DIS3L2: variants seen among roughly 807,000 people sequenced by gnomAD.
DIS3L2 encodes DIS3-like exonuclease 2.
DIS3L2 carries 34 observed loss-of-function variants against 97.5 expected under a neutral mutation model. The ratio of observed to expected loss-of-function variants is 0.35; its 90% CI spans 0.27 to 0.46. The LOEUF (loss-of-function observed/expected upper bound fraction) is 0.46. Among genes scored for constraint, DIS3L2 ranks in the 20% least tolerant of loss-of-function variants. The probability of loss-of-function intolerance (pLI) is 1.00; values close to 1 mark genes in which losing one functional copy is unlikely to be tolerated. For missense variants in DIS3L2, 1,038 were observed against 1,146.0 expected (o/e 0.91, Z 1.36); for synonymous variants, 435 against 445.2 (o/e 0.98, Z 0.29).
intron 10 of DIS3L2, among the ~76,000 whole-genome samples, chr2:232,215,116 A>G (rs1692296222): frequency 1.3e-5 from 2 of 152,240 alleles, no homozygotes; most frequent in Admixed American, 1.3e-4. Flanking sequence ...AATGAGAAGA[A>G]ATAAACATAT....
intron 14 of DIS3L2, 32 bp downstream of exon 14, chr2:232,300,151 C>T: frequency 1.2e-6 from 2 of 1,601,604 alleles, no homozygotes; most frequent in African/African-American, 2.7e-5. Flanking sequence ...AGTGTCACTT[C>T]ACATGTGTGC....
chr2:232,089,428 C>T (rs1287336967), intron 6 of DIS3L2, among the ~76,000 whole-genome samples: 2 of 152,132 alleles, frequency 1.3e-5, no homozygotes, highest in African/African-American at 4.8e-5. Flanking sequence ...GATTTTTCTA[C>T]TTTCTTTTCT....
intron 6 of DIS3L2, among the ~76,000 whole-genome samples, chr2:232,128,451 ATTTTTTT>A (rs10682281): frequency 3.2e-4 from 23 of 71,672 alleles, no homozygotes; most frequent in South Asian, 7.4e-4. Context: ...AACTTTGCTA[ATTTTTTT>A]TTTTTTTTTT....
chr2:232,270,158 A>ATTTCCATAACTAGGGACCG (rs1471056277), intron 13 of DIS3L2, among the ~76,000 whole-genome samples: 2 of 152,110 alleles, frequency 1.3e-5, no homozygotes, highest in African/African-American at 4.8e-5. Flanking sequence ...AGAGATGATG[A>ATTTCCATAACTAGGGACCG]TTTCCATAAC....
chr2:232,275,109 C>T (rs1272483152), intron 13 of DIS3L2, among the ~76,000 whole-genome samples: 3 of 152,098 alleles, frequency 2.0e-5, no homozygotes, highest in Non-Finnish European at 4.4e-5. Flanking sequence ...ATTTGATCCC[C>T]GCAACCCTAC....
chr2:232,220,994 C>T (rs1465546637), intron 10 of DIS3L2, among the ~76,000 whole-genome samples: 4 of 143,422 alleles, frequency 2.8e-5, no homozygotes, highest in African/African-American at 7.8e-5. Context: ...CCCAGCTACT[C>T]GGGAGGCTGA....
At chr2:232,079,058 A>C (rs1294033614) in intron 5 of DIS3L2, among the ~76,000 whole-genome samples, 1 of 152,224 alleles carries the variant, frequency 6.6e-6, no homozygotes, top group Non-Finnish European at 1.5e-5. Flanking sequence ...AGGCCTAGCC[A>C]TGGGCACTTC....
At chr2:231,982,038 G>GA (rs34177735) in intron 1 of DIS3L2, among the ~76,000 whole-genome samples, 116,536 of 145,808 alleles carry the variant, frequency 0.8, 46,935 homozygotes, top group African/African-American at 0.93. Flanking sequence ...CTCTCAAAAA[G>GA]AAAAAAAAAA....
chr2:232,243,193 T>C (rs1157899181), intron 11 of DIS3L2, among the ~76,000 whole-genome samples: 3 of 152,024 alleles, frequency 2.0e-5, no homozygotes, highest in Non-Finnish European at 4.4e-5. Context: ...ACATTTTGAG[T>C]AGAAAATTTC....
At chr2:232,326,575 A>G (rs375375697) in intron 14 of DIS3L2, among the ~76,000 whole-genome samples, 77 of 146,780 alleles carry the variant, frequency 5.2e-4, no homozygotes, top group East Asian at 1.7e-3. Context: ...GAGGGCACCA[A>G]ACAGCCCCTG....
At chr2:232,282,776 G>A (rs775121887) in intron 13 of DIS3L2, among the ~76,000 whole-genome samples, 7 of 152,296 alleles carry the variant, frequency 4.6e-5, no homozygotes, top group Non-Finnish European at 8.8e-5. Context: ...CACAAACCCG[G>A]CTGTTCTGGA....
chr2:232,107,154 G>C (rs930198779), intron 6 of DIS3L2, among the ~76,000 whole-genome samples: 1 of 152,074 alleles, frequency 6.6e-6, no homozygotes, highest in Non-Finnish European at 1.5e-5. Context: ...CAAAAAGCTA[G>C]AAAGATCTCA....
At chr2:232,227,718 G>A (rs540424844) in intron 10 of DIS3L2, among the ~76,000 whole-genome samples, 1 of 152,156 alleles carries the variant, frequency 6.6e-6, no homozygotes, top group South Asian at 2.1e-4. Context: ...AGCCACTAAG[G>A]GTTTTTGTCA....
intron 1 of DIS3L2, among the ~76,000 whole-genome samples, chr2:231,966,171 C>CTTCTT (rs1553593878): frequency 7.1e-6 from 1 of 140,474 alleles, no homozygotes; most frequent in African/African-American, 2.6e-5. Context: ...TCTTCTTCTT[C>CTTCTT]TTTTTTTTTT....
chr2:232,214,426 A>G (rs1005620737), intron 10 of DIS3L2, among the ~76,000 whole-genome samples: 1 of 152,076 alleles, frequency 6.6e-6, no homozygotes, highest in Admixed American at 6.5e-5. Context: ...AGTCCCATTT[A>G]TGCCTCTCGG....
At chr2:232,046,423 A>G (rs1574835183) in intron 5 of DIS3L2, among the ~76,000 whole-genome samples, 1 of 152,226 alleles carries the variant, frequency 6.6e-6, no homozygotes, top group South Asian at 2.1e-4. Context: ...TGAGCATTAT[A>G]TTTTGAGAAG....
chr2:232,182,645 GAGCCTATC>G (rs1251245942), intron 9 of DIS3L2, among the ~76,000 whole-genome samples: 2 of 152,082 alleles, frequency 1.3e-5, no homozygotes, highest in Non-Finnish European at 2.9e-5. Context: ...TAGATGGATT[GAGCCTATC>G]ATTGTTATAA....
chr2:232,251,056 T>C (rs148823870), intron 12 of DIS3L2, among the ~76,000 whole-genome samples: 1 of 152,352 alleles, frequency 6.6e-6, no homozygotes, highest in East Asian at 1.9e-4. Context: ...AGGGAGGCTA[T>C]TACTAATGCA....
At chr2:232,062,483 A>G (rs781765907) in intron 5 of DIS3L2, among the ~76,000 whole-genome samples, 3 of 152,170 alleles carry the variant, frequency 2.0e-5, no homozygotes, top group Non-Finnish European at 4.4e-5. Context: ...AGAGTAATGT[A>G]CTACTATCAT....
Sources: allele counts gnomAD v4.1 joint callset (sites outside exome capture counted in the v4.1 genomes callset), GRCh38; gene constraint gnomAD v4.1.1; transcripts MANE v1.5; gene names NCBI Gene and HGNC (gene_info 2026-07-23, HGNC 2026-07-21).